Variants in KCNIP4 observed in about 807,000 individuals in gnomAD.
KCNIP4 encodes the protein potassium voltage-gated channel interacting protein 4, also known as Kv channel-interacting protein 4.
KCNIP4 carries 12 observed loss-of-function variants against 34.0 expected under a neutral mutation model. The observed-to-expected ratio is 0.35, with a 90% CI of 0.23 to 0.57. The LOEUF is 0.57. Ranked by LOEUF, KCNIP4 falls within the 20% of genes least tolerant of loss-of-function variation. The probability of loss-of-function intolerance (pLI) is 0.83; values close to 1 mark genes in which losing one functional copy is unlikely to be tolerated. For missense variants in KCNIP4, 238 were observed against 311.7 expected (o/e 0.76, Z 1.78); for synonymous variants, 124 against 102.2 (o/e 1.21, Z -1.29).
At chr4:21,731,114 CAAAA>C (rs36075428) in intron 1 of KCNIP4, among the ~76,000 whole-genome samples, 1 of 135,130 alleles carries the variant, frequency 7.4e-6, no homozygotes, top group Non-Finnish European at 1.6e-5. Context: ...GAACCTGTCT[CAAAA>C]AAAAAAAAAA....
chr4:21,219,596 C>T (rs921610083), intron 1 of KCNIP4, among the ~76,000 whole-genome samples: 2 of 152,064 alleles, frequency 1.3e-5, no homozygotes, highest in Admixed American at 1.3e-4. Flanking sequence ...TCAAATTAAC[C>T]TACATTCATT....
At chr4:21,381,168 T>C (rs1281100466) in intron 1 of KCNIP4, among the ~76,000 whole-genome samples, 1 of 152,210 alleles carries the variant, frequency 6.6e-6, no homozygotes, top group East Asian at 1.9e-4. Context: ...GGACGAGATG[T>C]CATTTCTTCC....
chr4:20,905,786 C>A (rs972885048), intron 1 of KCNIP4, among the ~76,000 whole-genome samples: 9 of 151,858 alleles, frequency 5.9e-5, no homozygotes, highest in Non-Finnish European at 8.8e-5. Flanking sequence ...TCCCAAAGAG[C>A]TGGGATTATA....
At chr4:21,167,569 A>G (rs1753720545) in intron 1 of KCNIP4, among the ~76,000 whole-genome samples, 1 of 152,220 alleles carries the variant, frequency 6.6e-6, no homozygotes, top group Admixed American at 6.5e-5. Context: ...AGATACTAAC[A>G]GATTAGAAGT....
intron 1 of KCNIP4, among the ~76,000 whole-genome samples, chr4:21,799,853 T>C (rs948713277): frequency 1.7e-4 from 26 of 152,198 alleles, no homozygotes; most frequent in Admixed American, 1.6e-3. Context: ...TGTAAATAAA[T>C]CTTTTTAGAA....
At chr4:21,313,574 A>G (rs1713414739) in intron 1 of KCNIP4, among the ~76,000 whole-genome samples, 1 of 152,228 alleles carries the variant, frequency 6.6e-6, no homozygotes, top group Non-Finnish European at 1.5e-5. Flanking sequence ...ATACTAATTA[A>G]GTATATATTT....
chr4:20,805,186 C>CTTTTTTTTT, intron 3 of KCNIP4, among the ~76,000 whole-genome samples: 2 of 92,078 alleles, frequency 2.2e-5, no homozygotes, highest in East Asian at 3.3e-4. Flanking sequence ...TAGATGCTTC[C>CTTTTTTTTT]TTTTTTTTTT....
chr4:21,757,198 G>GGAAAGAAAGAAA (rs1184733064), intron 1 of KCNIP4, among the ~76,000 whole-genome samples: 2 of 39,566 alleles, frequency 5.1e-5, no homozygotes, highest in East Asian at 5.4e-4. Flanking sequence ...AAGGAAGGAA[G>GGAAAGAAAGAAA]GAAAGAAAGA....
intron 3 of KCNIP4, among the ~76,000 whole-genome samples, chr4:20,818,813 A>T (rs1716746080): frequency 6.6e-6 from 1 of 152,106 alleles, no homozygotes; most frequent in African/African-American, 2.4e-5. Flanking sequence ...CTCCAGAAAC[A>T]CTATGTATAA....
At chr4:21,757,166 A>AGAAAGAAAGAAGGAAG (rs1717639421) in intron 1 of KCNIP4, among the ~76,000 whole-genome samples, 3 of 46,376 alleles carry the variant, frequency 6.5e-5, no homozygotes, top group Admixed American at 2.1e-4. Flanking sequence ...AAAGAAAGAA[A>AGAAAGAAAGAAGGAAG]GAAGGAAGGA....
chr4:20,743,218 C>T (rs1751598640), intron 5 of KCNIP4, among the ~76,000 whole-genome samples: 1 of 152,108 alleles, frequency 6.6e-6, no homozygotes. Context: ...AGATTCAGTG[C>T]CATCCCCATC....
At chr4:21,217,256 T>C (rs1427923194) in intron 1 of KCNIP4, among the ~76,000 whole-genome samples, 1 of 152,186 alleles carries the variant, frequency 6.6e-6, no homozygotes, top group East Asian at 1.9e-4. Context: ...AGTCCCATAA[T>C]AAGGGCTCAA....
chr4:21,226,418 T>C (rs986415604), intron 1 of KCNIP4, among the ~76,000 whole-genome samples: 4 of 146,262 alleles, frequency 2.7e-5, no homozygotes, highest in Non-Finnish European at 5.9e-5. Context: ...AGTGAGCTTT[T>C]GGTTGCCACA....
At chr4:21,108,833 G>A (rs550007224) in intron 1 of KCNIP4, among the ~76,000 whole-genome samples, 147 of 152,304 alleles carry the variant, frequency 9.7e-4, no homozygotes, top group African/African-American at 3.4e-3. Context: ...ACCCTCAGCT[G>A]CAGGTCTGTT....
chr4:21,903,817 T>C (rs1329938071), intron 1 of KCNIP4, among the ~76,000 whole-genome samples: 1 of 152,180 alleles, frequency 6.6e-6, no homozygotes, highest in African/African-American at 2.4e-5. Context: ...ATCACCCTAA[T>C]GTGTACACCC....
intron 1 of KCNIP4, among the ~76,000 whole-genome samples, chr4:21,501,719 T>TGTGTG (rs1272906918): frequency 4.7e-5 from 7 of 149,136 alleles, no homozygotes; most frequent in Admixed American, 6.7e-5. Context: ...TGTGTGTGCG[T>TGTGTG]TGGAAGGGGC....
At chr4:21,411,717 G>T (rs1486485189) in intron 1 of KCNIP4, among the ~76,000 whole-genome samples, 2 of 152,060 alleles carry the variant, frequency 1.3e-5, no homozygotes, top group African/African-American at 2.4e-5. Context: ...ATGTGCCTGT[G>T]GTCTTAGCTA....
intron 1 of KCNIP4, among the ~76,000 whole-genome samples, chr4:20,931,786 G>T (rs1267316092): frequency 6.6e-6 from 1 of 151,794 alleles, no homozygotes; most frequent in Non-Finnish European, 1.5e-5. Context: ...GGTGGGTGGG[G>T]GAAAAAATGA....
At chr4:21,848,270 T>C (rs1453467157) in intron 1 of KCNIP4, 1 of 152,150 alleles carries the variant, frequency 6.6e-6, no homozygotes, top group African/African-American at 2.4e-5. Flanking sequence ...GGGAGGACTG[T>C]TTTAGACTGA....
Sources: gnomAD v4.1 joint callset for allele counts (sites outside exome capture counted in the v4.1 genomes callset) on GRCh38, gnomAD v4.1.1 for gene constraint, MANE v1.5 for transcripts, NCBI Gene and HGNC (gene_info 2026-07-23, HGNC 2026-07-21) for gene names.